The following USP9Y variants were observed in gnomAD, a reference collection of about 807,000 sequenced individuals.
The protein encoded by USP9Y is ubiquitin carboxyl-terminal hydrolase 9Y.
Under a neutral mutation model 53.1 loss-of-function variants are expected in USP9Y, and 41 were observed. The ratio of observed to expected loss-of-function variants is 0.77; its 90% CI spans 0.60 to 1.00. The LOEUF (loss-of-function observed/expected upper bound fraction) is 1.00. USP9Y is among the 50% of genes least tolerant of loss of function. USP9Y has a pLI of 0.00. For missense variants in USP9Y, 567 were observed against 535.8 expected (o/e 1.06, Z -0.58); for synonymous variants, 220 against 173.7 (o/e 1.27, Z -2.09).
At chrY:12,741,406 T>TG (rs2053457015) in intron 12 of USP9Y, among the ~76,000 whole-genome samples, 1 of 32,837 alleles carries the variant, frequency 3.0e-5, no homozygotes, top group South Asian at 7.0e-4. Context: ...CAGTTCTTCG[T>TG]GGGCTGCAGC....
At chrY:12,812,787 A>G in intron 30 of USP9Y, 43 bp from the exon 31 acceptor site, 1 of 290,808 alleles carries the variant, frequency 3.4e-6, no homozygotes, top group South Asian at 3.2e-5. Flanking sequence ...CCTAACCTAT[A>G]TTTTCTACTA....
intron 12 of USP9Y, among the ~76,000 whole-genome samples, chrY:12,749,392 C>T: frequency 1.2e-4 from 4 of 32,967 alleles, no homozygotes; most frequent in African/African-American, 4.8e-4. Flanking sequence ...AGCACCCCCA[C>T]CCACTGCCAA....
chrY:12,756,161 A>G, intron 12 of USP9Y, among the ~76,000 whole-genome samples: 6 of 32,992 alleles, frequency 1.8e-4, no homozygotes, highest in Admixed American at 1.4e-3. Context: ...TTTATCTTCC[A>G]TAGAAACCCC....
intron 33 of USP9Y, among the ~76,000 whole-genome samples, chrY:12,821,800 T>TG (rs2053541925): frequency 9.3e-5 from 3 of 32,148 alleles, no homozygotes; most frequent in African/African-American, 3.7e-4. Flanking sequence ...GAGTGCTCCA[T>TG]CAGCACTCCA....
chrY:12,859,296 A>G lies in USP9Y; in HGVS notation c.7548A>G (p.Gly2516=). Residue 2516 remains glycine (G), a synonymous_variant, in exon 46 of 46, where the codon GGA becomes GGG. Coordinates refer to ENST00000338981, the MANE Select transcript of USP9Y (RefSeq NM_004654.4). ...CCTCTTAGAATAATCATGTACATGGACAGCCATATACAGGACCAGCAGCAC... is the reference window on the plus strand; with the variant it reads ...CCTCTTAGAATAATCATGTACATGGGCAGCCATATACAGGACCAGCAGCAC... The part of the protein sequence containing the change: ...SQYQQNNHVH[G]QPYTGPAAHH... 2.5e-6 allele frequency: 1 copy of G among 397,918 alleles called. No homozygotes were observed. Among genetic ancestry groups the G allele is most frequent in the South Asian group, 3.0e-5 (1 of 33,743 alleles).
chrY:12,730,290 CATA>C (rs2053446136), intron 7 of USP9Y, among the ~76,000 whole-genome samples: 1 of 32,573 alleles, frequency 3.1e-5, no homozygotes, highest in Non-Finnish European at 7.4e-5. Context: ...CTCTAGGTCT[CATA>C]ATGTTTGCTT....
chrY:12,830,286 C>A, intron 33 of USP9Y, among the ~76,000 whole-genome samples: 3 of 33,662 alleles, frequency 8.9e-5, no homozygotes. Context: ...AGAAGCCTGA[C>A]AAAGATGCTG....
intron 33 of USP9Y, among the ~76,000 whole-genome samples, chrY:12,821,631 CT>C (rs373006912): frequency 3.3e-4 from 8 of 24,237 alleles, no homozygotes; most frequent in Admixed American, 1.9e-3. Context: ...TTTACATTTT[CT>C]TTTTTTTTTT....
At chrY:12,747,015 G>A (rs2053461277) in intron 12 of USP9Y, among the ~76,000 whole-genome samples, 1 of 33,710 alleles carries the variant, frequency 3.0e-5, no homozygotes, top group Admixed American at 2.7e-4. Context: ...TTACAGGCGT[G>A]AGCCACTGTG....
At chrY:12,707,683 A>G in intron 1 of USP9Y, among the ~76,000 whole-genome samples, 1 of 32,104 alleles carries the variant, frequency 3.1e-5, no homozygotes, top group Non-Finnish European at 7.6e-5. Flanking sequence ...TTTTGGACAC[A>G]TAGATATCAC....
Position 12,709,397 on chromosome Y carries a change from A to C in USP9Y, c.-51A>C. The C allele has an allele frequency of 3.4e-6, 1 of 296,302 alleles. No individual in the cohort carries two copies. 73.9% of individuals were successfully genotyped at this position (296,302 alleles called of 400,897 possible). A position where few individuals can be genotyped will look rare whatever the true frequency, so the allele number is the denominator to read the frequency against. ...TAATTTCTTCCCTTAGGATAACTAC[A>C]TAAAGAGACAAAAAAAAGAAAAAAG... On this transcript the variant is annotated 5_prime_UTR_variant, in exon 3 of 46. Coordinates refer to ENST00000338981, the MANE Select transcript of USP9Y (RefSeq NM_004654.4).
At chrY:12,730,592 G>A (rs2053446482) in intron 7 of USP9Y, among the ~76,000 whole-genome samples, 1 of 28,774 alleles carries the variant, frequency 3.5e-5, no homozygotes. Flanking sequence ...CTCATGTCTC[G>A]GCCTCCCAAG....
At chrY:12,750,371 G>T in intron 12 of USP9Y, among the ~76,000 whole-genome samples, 1 of 33,105 alleles carries the variant, frequency 3.0e-5, no homozygotes, top group Non-Finnish European at 7.4e-5. Context: ...AGTTTTACTT[G>T]TTCTTTTCCA....
chrY:12,754,108 G>A (rs2053466257), intron 12 of USP9Y, among the ~76,000 whole-genome samples: 1 of 30,313 alleles, frequency 3.3e-5, no homozygotes, highest in Non-Finnish European at 7.8e-5. Context: ...GCATATATAT[G>A]CAAACAGGCT....
intron 6 of USP9Y, 80 bp from the exon 7 acceptor site, chrY:12,726,495 A>G: frequency 4.2e-6 from 1 of 235,669 alleles, no homozygotes; most frequent in Non-Finnish European, 7.1e-6. Flanking sequence ...ATGGAAAGAG[A>G]TTATTAATAA....
In USP9Y at chrY:12,725,227, T is replaced by C; in HGVS notation, c.438+2T>C. On this transcript the variant is annotated splice_donor_variant, in intron 6 of 45. Transcript: ENST00000338981. LOFTEE classifies it high-confidence loss of function. ...AGTGGCTGGAAGTTTGAAATTCATG[T>C]GAGTCTTGTATTTCATTTCTGGGAC... 1 of 371,871 alleles carries C rather than the reference T, an allele frequency of 2.7e-6. No homozygotes were observed. Among genetic ancestry groups the C allele is most frequent in the East Asian group, 9.3e-5 (1 of 10,714 alleles). 92.8% of individuals were successfully genotyped at this position (371,871 alleles called of 400,897 possible).
chrY:12,769,413 A>C, intron 15 of USP9Y, among the ~76,000 whole-genome samples: 1 of 34,089 alleles, frequency 2.9e-5, no homozygotes, highest in Non-Finnish European at 7.3e-5. Context: ...TAATTGAAGA[A>C]CGTTTTTTGG....
At position 12,812,848 on chromosome Y, in the gene USP9Y, A is replaced by G; in HGVS notation, c.4405A>G (p.Ile1469Val). 2.5e-6 allele frequency: 1 copy of G among 395,005 alleles called. No individual in the cohort carries two copies. Among genetic ancestry groups the G allele is most frequent in the Non-Finnish European group, 3.6e-6 (1 of 279,919 alleles). ...NLIKELIDDFIFPASKVYLQY... is the reference protein window; with the variant it reads ...NLIKELIDDFVFPASKVYLQY... ...TTACTAGGAATTAATTGATGATTTC[A>G]TCTTTCCCGCATCCAAAGTTTACCT... is the stretch of plus-strand genomic sequence containing the variant. The change falls in exon 31 of 46, where the codon ATC (isoleucine) becomes GTC (valine). Residue 1469 changes from isoleucine (I) to valine (V), a missense_variant. Coordinates refer to ENST00000338981, the MANE Select transcript of USP9Y (RefSeq NM_004654.4).
At chrY:12,792,943 G>T in intron 26 of USP9Y, 89 bp from the exon 27 acceptor site, 2 of 302,177 alleles carry the variant, frequency 6.6e-6, no homozygotes, top group Admixed American at 7.5e-5. Flanking sequence ...TCTTTACCAA[G>T]TAGGCAATTG....
Sources: gnomAD v4.1 joint callset for allele counts (sites outside exome capture counted in the v4.1 genomes callset) on GRCh38, gnomAD v4.1.1 for gene constraint, MANE v1.5 for transcripts, NCBI Gene and HGNC (gene_info 2026-07-23, HGNC 2026-07-21) for gene names.